The following RBL1 variants were observed in gnomAD, a reference collection of about 807,000 sequenced individuals.
RBL1 encodes the protein RB transcriptional corepressor like 1.
RBL1 carries 82 observed loss-of-function variants against 123.0 expected under a neutral mutation model. The observed-to-expected ratio is 0.67, with a 90% CI of 0.56 to 0.80. The LOEUF is 0.80. RBL1 is among the 30% of genes least tolerant of loss of function. The pLI is 0.00. For synonymous variants in RBL1, 405 were observed against 441.3 expected (o/e 0.92, Z 1.03); for missense variants, 1,171 against 1,299.6 (o/e 0.90, Z 1.52).
intron 9 of RBL1, among the ~76,000 whole-genome samples, chr20:37,058,819 A>C (rs1038523814): frequency 2.0e-5 from 3 of 151,798 alleles, no homozygotes; most frequent in African/African-American, 7.3e-5. Flanking sequence ...CTAGAGTACA[A>C]TGGTGTGATC....
chr20:37,051,049 G>A (rs1016617792), intron 11 of RBL1, among the ~76,000 whole-genome samples: 3 of 151,842 alleles, frequency 2.0e-5, no homozygotes, highest in African/African-American at 7.3e-5. Flanking sequence ...GTCTTGCTAT[G>A]TTGCCTAGGT....
At chr20:37,091,029 C>T (rs1295629290) in intron 1 of RBL1, among the ~76,000 whole-genome samples, 5 of 152,290 alleles carry the variant, frequency 3.3e-5, no homozygotes, top group Middle Eastern at 3.4e-3. Context: ...CATGACTTCA[C>T]TGCTGAAATA....
chr20:37,040,188 T>C lies in RBL1; in HGVS notation c.1868A>G (p.Lys623Arg), dbSNP rs780186550. ...PMSPLMHPRVKEVRTDSGSLR... is the reference protein window; with the variant it reads ...PMSPLMHPRVREVRTDSGSLR... ...ACTCCCACTGTCAGTTCGAACTTCC[T>C]TGACTCTTGGGTGCATTAGAGGAGA... The change falls in exon 14 of 22, where the codon AAG (lysine) becomes AGG (arginine). Residue 623 changes from lysine to arginine, a missense_variant. Lys to Arg is a conservative substitution (Grantham distance 26, BLOSUM62 2). Transcript: ENST00000373664. The C allele has an allele frequency of 1.6e-5, 26 of 1,613,966 alleles. No individual in the cohort carries two copies. The East Asian group carries it at 4.5e-4, about 28-fold the overall frequency.
intron 1 of RBL1, among the ~76,000 whole-genome samples, chr20:37,091,314 C>T (rs1429318176): frequency 4.0e-5 from 6 of 151,476 alleles, no homozygotes; most frequent in Admixed American, 1.3e-4. Context: ...GCCGAGATCA[C>T]GCCACTGCAC....
intron 4 of RBL1, 28 bp from the exon 5 acceptor site, chr20:37,067,149 G>C (rs199921207): frequency 1.5e-6 from 2 of 1,375,374 alleles, no homozygotes; most frequent in Non-Finnish European, 1.9e-6. Flanking sequence ...AAAAAAAAAA[G>C]ACACAAAAAC....
At chr20:37,055,780 G>T in intron 10 of RBL1, 124 bp from the exon 11 acceptor site, 6 of 966,160 alleles carry the variant, frequency 6.2e-6, no homozygotes, top group Non-Finnish European at 7.4e-6. Context: ...CGGGAATGGT[G>T]GCTCACGCCT....
chr20:37,095,721 G>C (rs1600628267), intron 1 of RBL1, 52 bp downstream of exon 1: 1 of 1,497,262 alleles, frequency 6.7e-7, no homozygotes, highest in Non-Finnish European at 9.0e-7. Context: ...GGCGGGGCAG[G>C]GGTGGGGCCT....
chr20:37,066,990 T>G lies in RBL1; in HGVS notation c.685+3A>C, dbSNP rs1449682378. The G allele has an allele frequency of 6.3e-7, 1 of 1,597,590 alleles. No individual in the cohort carries two copies. Among genetic ancestry groups the G allele is most frequent in the Non-Finnish European group, 8.5e-7 (1 of 1,173,252 alleles). On this transcript the variant is annotated splice_donor_region_variant and intron_variant, in intron 5 of 21. Coordinates refer to ENST00000373664, the MANE Select transcript of RBL1 (RefSeq NM_002895.5). ...GTTTTCAAAAATAAATAAAAGGTCT[T>G]ACCTTTAAATGATGGATTTAGCAAG...
chr20:37,014,624 C>T (rs776118571), intron 19 of RBL1, among the ~76,000 whole-genome samples: 1 of 151,632 alleles, frequency 6.6e-6, no homozygotes, highest in Admixed American at 6.6e-5. Flanking sequence ...CATGGTGAAA[C>T]CCCATCTCTA....
At chr20:37,016,323 C>T (rs1489084985) in intron 19 of RBL1, among the ~76,000 whole-genome samples, 4 of 152,060 alleles carry the variant, frequency 2.6e-5, no homozygotes, top group Admixed American at 6.6e-5. Context: ...CCACCACACC[C>T]GGCTAGGGTT....
intron 21 of RBL1, among the ~76,000 whole-genome samples, chr20:37,001,492 A>G (rs62206475): frequency 1.3e-4 from 20 of 151,562 alleles, no homozygotes; most frequent in Non-Finnish European, 1.9e-4. Flanking sequence ...AACATGTGCT[A>G]TGTCCACTCA....
intron 9 of RBL1, 94 bp downstream of exon 9, chr20:37,061,009 A>T: frequency 7.7e-7 from 1 of 1,302,068 alleles, no homozygotes; most frequent in Non-Finnish European, 1.0e-6. Flanking sequence ...ATGAACATCC[A>T]CTATCTTGAG....
At chr20:37,086,672 A>C (rs1327225193) in intron 2 of RBL1, among the ~76,000 whole-genome samples, 2 of 152,204 alleles carry the variant, frequency 1.3e-5, no homozygotes, top group Non-Finnish European at 2.9e-5. Flanking sequence ...AATGACCACA[A>C]ATAGTTTTGT....
At chr20:37,046,231 G>A (rs967428079) in intron 12 of RBL1, among the ~76,000 whole-genome samples, 7 of 152,034 alleles carry the variant, frequency 4.6e-5, no homozygotes, top group African/African-American at 1.4e-4. Context: ...GGTAGAAAGC[G>A]TTTTTTGTTC....
intron 2 of RBL1, among the ~76,000 whole-genome samples, chr20:37,069,263 G>T (rs1230642886): frequency 6.6e-6 from 1 of 152,058 alleles, no homozygotes; most frequent in Non-Finnish European, 1.5e-5. Context: ...CTGCCACCCC[G>T]TCTGGGAAGT....
intron 19 of RBL1, 43 bp downstream of exon 19, chr20:37,018,236 T>G (rs1210577502): frequency 1.3e-5 from 20 of 1,562,766 alleles, no homozygotes; most frequent in Non-Finnish European, 1.6e-5. Context: ...TACAGTGTGA[T>G]CCAATGTGTT....
chr20:37,056,379 G>A (rs1476133607), intron 9 of RBL1, 121 bp from the exon 10 acceptor site: 4 of 1,267,060 alleles, frequency 3.2e-6, no homozygotes, highest in Non-Finnish European at 4.0e-6. Context: ...TTTTGAGACG[G>A]AGTCTCGCTC....
At chr20:37,005,760 G>A (rs1479501381) in intron 20 of RBL1, among the ~76,000 whole-genome samples, 1 of 152,072 alleles carries the variant, frequency 6.6e-6, no homozygotes, top group Non-Finnish European at 1.5e-5. Flanking sequence ...TGACCTCTGA[G>A]GATAGTCATA....
intron 1 of RBL1, among the ~76,000 whole-genome samples, chr20:37,089,929 G>GT (rs2065621179): frequency 6.6e-6 from 1 of 152,116 alleles, no homozygotes; most frequent in South Asian, 2.1e-4. Context: ...GCATGCACCT[G>GT]TAGTCCCACC....
Sources: allele counts gnomAD v4.1 joint callset (sites outside exome capture counted in the v4.1 genomes callset), GRCh38; gene constraint gnomAD v4.1.1; transcripts MANE v1.5; gene names NCBI Gene and HGNC (gene_info 2026-07-23, HGNC 2026-07-21).